Variants in POU2F1 observed in about 807,000 individuals in gnomAD.
POU2F1 encodes the protein POU class 2 homeobox 1, also known as POU domain, class 2, transcription factor 1.
A neutral mutation model predicts 84.9 loss-of-function variants in POU2F1; 16 were observed. That is an observed-to-expected ratio of 0.19 (90% CI 0.13 to 0.29). POU2F1 has a LOEUF of 0.29. POU2F1 is among the 10% of genes least tolerant of loss of function. The pLI, the probability that POU2F1 is intolerant of heterozygous loss-of-function variation, is 1.00. For synonymous variants in POU2F1, 368 were observed against 368.3 expected (o/e 1.00, Z 0.01); for missense variants, 738 against 942.6 (o/e 0.78, Z 2.84).
At chr1:167,226,061 T>G (rs1413980958) in intron 1 of POU2F1, among the ~76,000 whole-genome samples, 4 of 152,228 alleles carry the variant, frequency 2.6e-5, no homozygotes, top group Non-Finnish European at 4.4e-5. Context: ...TAATTTGCGT[T>G]TAGGGAACAG....
At chr1:167,359,192 A>T (rs868126981) in intron 2 of POU2F1, among the ~76,000 whole-genome samples, 188 of 13,406 alleles carry the variant, frequency 0.014, 3 homozygotes, top group East Asian at 0.055. Context: ...ACTTTTTTTA[A>T]AAAAAAAAAA....
chr1:167,401,494 C>T lies in POU2F1; in HGVS notation c.1493C>T (p.Thr498Ile). Residue 498 changes from threonine to isoleucine, a missense_variant, in exon 13 of 16, where the codon ACC becomes ATC. Around this residue, in one of 4 missense-constraint regions of POU2F1, gnomAD observed 319 missense variants for 386.0 expected, o/e 0.83. Coordinates refer to ENST00000367866, the MANE Select transcript of POU2F1 (RefSeq NM_002697.4). ...CTTGTGACTAGCAGTGCAGCAACTA[C>T]CCTCACAGTCAGCCCTGTCCTCCCT... The part of the protein sequence containing the change: ...PSLVTSSAAT[T>I]LTVSPVLPLT... 2 of 1,613,430 alleles carry T rather than the reference C, an allele frequency of 1.2e-6. No homozygotes were observed. The highest frequency in any genetic ancestry group is 1.7e-6 in the Non-Finnish European group (2 of 1,179,788).
chr1:167,351,717 A>G (rs1459666723), intron 2 of POU2F1, among the ~76,000 whole-genome samples: 1 of 152,138 alleles, frequency 6.6e-6, no homozygotes, highest in African/African-American at 2.4e-5. Context: ...ATATTTCATA[A>G]TGACTAGGAT....
chr1:167,412,848 A>T (rs1650057056), intron 14 of POU2F1, among the ~76,000 whole-genome samples, 178 bp from the exon 15 acceptor site: 2 of 152,252 alleles, frequency 1.3e-5, no homozygotes, highest in East Asian at 1.9e-4. Context: ...CGTTTGTATG[A>T]GTAAGCATCC....
intron 1 of POU2F1, among the ~76,000 whole-genome samples, chr1:167,260,272 A>G (rs1651460511): frequency 6.6e-6 from 1 of 152,174 alleles, no homozygotes; most frequent in African/African-American, 2.4e-5. Context: ...TTTAAATTCT[A>G]ATTCTTTTTT....
intron 1 of POU2F1, among the ~76,000 whole-genome samples, chr1:167,309,537 G>A (rs1454319511): frequency 6.6e-6 from 1 of 151,932 alleles, no homozygotes; most frequent in African/African-American, 2.4e-5. Context: ...GCCTTACTCA[G>A]CCCCATCTAA....
chr1:167,292,999 C>T (rs1654030163), intron 1 of POU2F1, among the ~76,000 whole-genome samples: 1 of 152,146 alleles, frequency 6.6e-6, no homozygotes, highest in South Asian at 2.1e-4. Flanking sequence ...ATGGAAGGGA[C>T]TTTTACCTTA....
intron 8 of POU2F1, among the ~76,000 whole-genome samples, chr1:167,388,919 T>C (rs1300370509): frequency 1.3e-5 from 2 of 152,276 alleles, no homozygotes; most frequent in African/African-American, 4.8e-5. Flanking sequence ...TTTTTAATTT[T>C]TATTAATTTT....
At chr1:167,359,726 T>A (rs2101813830) in intron 2 of POU2F1, among the ~76,000 whole-genome samples, 1 of 152,282 alleles carries the variant, frequency 6.6e-6, no homozygotes, top group East Asian at 1.9e-4. Flanking sequence ...TGAATGGTAA[T>A]TCTGTTTTTA....
At chr1:167,319,750 G>A (rs547000542) in intron 1 of POU2F1, among the ~76,000 whole-genome samples, 1 of 151,916 alleles carries the variant, frequency 6.6e-6, no homozygotes, top group African/African-American at 2.4e-5. Context: ...CTACACATAC[G>A]TGCACATAAG....
At chr1:167,344,607 C>T (rs1343816374) in intron 2 of POU2F1, among the ~76,000 whole-genome samples, 1 of 152,074 alleles carries the variant, frequency 6.6e-6, no homozygotes, top group East Asian at 1.9e-4. Context: ...TTACTTTTTT[C>T]ATGTTAGAGT....
chr1:167,337,015 A>C (rs902934301), intron 2 of POU2F1, among the ~76,000 whole-genome samples: 2 of 152,118 alleles, frequency 1.3e-5, no homozygotes, highest in African/African-American at 2.4e-5. Context: ...AAAATACAAA[A>C]AAATTAGCCG....
chr1:167,386,197 G>T (rs1022558357), intron 8 of POU2F1, among the ~76,000 whole-genome samples: 2 of 151,980 alleles, frequency 1.3e-5, no homozygotes, highest in African/African-American at 2.4e-5. Flanking sequence ...GTTTCTTTTT[G>T]GGGGGGTGAG....
At chr1:167,323,670 G>T (rs1294976338) in intron 1 of POU2F1, among the ~76,000 whole-genome samples, 1 of 152,058 alleles carries the variant, frequency 6.6e-6, no homozygotes, top group Admixed American at 6.5e-5. Context: ...CATGCTAGTT[G>T]TACTAATTTT....
chr1:167,402,010 A>AT (rs1649246945), intron 13 of POU2F1, among the ~76,000 whole-genome samples: 1 of 152,146 alleles, frequency 6.6e-6, no homozygotes. Context: ...ATTATAAATG[A>AT]TTTTATTTTT....
intron 1 of POU2F1, among the ~76,000 whole-genome samples, chr1:167,277,693 A>T (rs1454260566): frequency 6.6e-6 from 1 of 152,064 alleles, no homozygotes; most frequent in African/African-American, 2.4e-5. Flanking sequence ...CCCAGCAATT[A>T]TATCTATCCC....
chr1:167,315,558 G>A lies in POU2F1; in HGVS notation c.62-16912G>A, dbSNP rs114693836. 1.0e-3 allele frequency among the ~76,000 whole-genome samples: 154 copies of A among 152,184 alleles called. 2 individuals are homozygous for A. Among genetic ancestry groups the A allele is most frequent in the East Asian group, 1.9e-4 (1 of 5,178 alleles). On this transcript the variant is annotated intron_variant, in intron 1 of 15. Coordinates refer to ENST00000367866, the MANE Select transcript of POU2F1 (RefSeq NM_002697.4). ...TGGGAGACAGAAGTGGAATGATGGC[G>A]CTTGACCAGGAGTTCAAGACCAGCT...
chr1:167,245,218 A>G (rs537565196), intron 1 of POU2F1, among the ~76,000 whole-genome samples: 2 of 152,110 alleles, frequency 1.3e-5, no homozygotes, highest in African/African-American at 4.8e-5. Context: ...TAAAATGGCT[A>G]AAAGCTATTA....
At chr1:167,325,575 C>A (rs975285773) in intron 1 of POU2F1, among the ~76,000 whole-genome samples, 2 of 152,108 alleles carry the variant, frequency 1.3e-5, no homozygotes, top group Admixed American at 1.3e-4. Flanking sequence ...CCCATAAGAT[C>A]ATGAATATAA....
Sources: allele counts gnomAD v4.1 joint callset (sites outside exome capture counted in the v4.1 genomes callset), GRCh38; gene constraint gnomAD v4.1.1; regional missense constraint gnomAD v4.1.1; transcripts MANE v1.5; gene names NCBI Gene and HGNC (gene_info 2026-07-23, HGNC 2026-07-21).